The following PI4KA variants were observed in gnomAD, a reference collection of about 807,000 sequenced individuals.
PI4KA encodes PI4-kinase alpha.
In PI4KA, 122 loss-of-function variants were observed where a neutral mutation model predicts 271.4. The observed-to-expected ratio is 0.45, with a 90% CI of 0.39 to 0.52. The LOEUF is 0.52. Among genes scored for constraint, PI4KA ranks in the 20% least tolerant of loss-of-function variants. PI4KA has a pLI of 0.00. For missense variants in PI4KA, 1,969 were observed against 2,769.1 expected, an observed-to-expected ratio of 0.71 and a Z score of 6.48; for synonymous variants, 1,041 against 1,078.8, an observed-to-expected ratio of 0.96 and a Z score of 0.69.
At chr22:20,824,731 ATC>A (rs1491568496) in intron 3 of PI4KA, among the ~76,000 whole-genome samples, 1 of 119,142 alleles carries the variant, frequency 8.4e-6, no homozygotes, top group African/African-American at 3.5e-5. Context: ...AATGTGATAA[ATC>A]ACACACACAC....
chr22:20,783,091 T>C (rs1448563007), intron 19 of PI4KA, among the ~76,000 whole-genome samples: 2 of 152,238 alleles, frequency 1.3e-5, no homozygotes, highest in African/African-American at 4.8e-5. Flanking sequence ...GGAAAGGTGC[T>C]GAGAAGAATG....
rs114340675 is a variant in PI4KA at position 20,768,513 on chromosome 22, A to C, written c.2329-2820T>G. ...TACATATAGAACAAAGATGGGAAAAAGCAGCCACATGTTAAGATTATTTCT... is the reference window on the plus strand; with the variant it reads ...TACATATAGAACAAAGATGGGAAAACGCAGCCACATGTTAAGATTATTTCT... On this transcript the variant is annotated intron_variant, in intron 19 of 54. Coordinates refer to ENST00000255882, the MANE Select transcript of PI4KA (RefSeq NM_058004.4). Among the ~76,000 whole-genome samples the C allele has an allele frequency of 8.5e-3, 1,294 of 152,336 alleles. 13 individuals are homozygous for C. The highest frequency in any genetic ancestry group is 0.029 in the African/African-American group (1,202 of 41,574).
Position 20,717,737 on chromosome 22 carries a change from G to A in PI4KA, c.5288C>T (p.Ser1763Leu), listed in dbSNP as rs557560570. The A allele has an allele frequency of 4.2e-5, 66 of 1,580,904 alleles. No individual in the cohort carries two copies. The South Asian group carries it at 5.4e-4, about 13-fold the overall frequency. Reference sequence around the variant, plus strand: ...CTGCACCTTCACTTCAGACAGGGCCGACAGACAAGCCTTCTTTCTCTCGTC... The same window carrying A: ...CTGCACCTTCACTTCAGACAGGGCCAACAGACAAGCCTTCTTTCTCTCGTC... Reference protein sequence around the residue: ...KGDERKKACLSALSEVKVQPG... With the variant: ...KGDERKKACLLALSEVKVQPG... The change falls in exon 45 of 55, where the codon TCG becomes TTG. Residue 1763 changes from serine (S) to leucine (L), a missense_variant. Physicochemically the swap from Ser to Leu is moderately radical, Grantham distance 145 (BLOSUM62 -2). Transcript: ENST00000255882.
intron 19 of PI4KA, among the ~76,000 whole-genome samples, chr22:20,781,987 G>T (rs1257885440): frequency 6.6e-6 from 1 of 152,242 alleles, no homozygotes; most frequent in East Asian, 1.9e-4. Context: ...TTGAGGGAAT[G>T]AAACTGTAGA....
intron 23 of PI4KA, among the ~76,000 whole-genome samples, chr22:20,757,499 C>T (rs1308802153): frequency 1.3e-5 from 2 of 151,832 alleles, no homozygotes; most frequent in East Asian, 1.9e-4. Flanking sequence ...GGATCTGATT[C>T]GGTTTATGAA....
At position 20,765,839 on chromosome 22, in the gene PI4KA, T is replaced by C. The variant is rs1252725780; in HGVS notation, c.2329-146A>G. 4 of 610,158 alleles carry C rather than the reference T, an allele frequency of 6.6e-6. No individual in the cohort carries two copies. In the Admixed American group the frequency reaches 9.5e-5, roughly 15 times the overall value. The allele number at this position is 610,158 out of a possible 1,614,324, so 37.8% of individuals were successfully genotyped here. On this transcript the variant is annotated intron_variant, in intron 19 of 54. Transcript: ENST00000255882. ...TAGGAAAAGGCACACTGAGCAGTGA[T>C]GATTCTGCCAATAAGCATTGTCCAT...
intron 1 of PI4KA, among the ~76,000 whole-genome samples, chr22:20,850,353 G>A (rs940496274): frequency 5.3e-5 from 8 of 151,838 alleles, no homozygotes; most frequent in Admixed American, 1.3e-4. Flanking sequence ...CTGGAACCCC[G>A]TCTCTACTAA....
intron 23 of PI4KA, 150 bp from the exon 24 acceptor site, chr22:20,753,330 G>A: frequency 1.4e-6 from 1 of 694,370 alleles, no homozygotes; most frequent in South Asian, 1.7e-5. Context: ...TAGCTTCCCT[G>A]GATTTTAACA....
intron 13 of PI4KA, among the ~76,000 whole-genome samples, chr22:20,802,845 T>C (rs1363422186): frequency 6.6e-6 from 1 of 152,230 alleles, no homozygotes; most frequent in East Asian, 1.9e-4. Context: ...TGTTAATTAT[T>C]GTTTCATCAT....
At chr22:20,796,438 G>A (rs564218029) in intron 17 of PI4KA, 124 bp from the exon 18 acceptor site, 2 of 789,236 alleles carry the variant, frequency 2.5e-6, no homozygotes, top group African/African-American at 1.7e-5. Flanking sequence ...ACTCCTCCCA[G>A]TGTCTGTAAA....
chr22:20,742,732 T>C lies in PI4KA; in HGVS notation c.3489A>G (p.Thr1163=), dbSNP rs1338373155. The change falls in exon 31 of 55, where the codon ACA becomes ACG. Residue 1163 remains threonine (T), a synonymous_variant. Coordinates refer to ENST00000255882, the MANE Select transcript of PI4KA (RefSeq NM_058004.4). ...TTTTGTTCAGGTCAGACATCTGGCCTGTGGTGCCTGAGAACCGAATCATTC... is the reference window on the plus strand; with the variant it reads ...TTTTGTTCAGGTCAGACATCTGGCCCGTGGTGCCTGAGAACCGAATCATTC... ...VYGMIRFSGT[T]GQMSDLNKMM... is the part of the protein sequence containing the mutation. 1.5e-5 allele frequency: 24 copies of C among 1,614,166 alleles called. No individual in the cohort carries two copies. The highest frequency in any genetic ancestry group is 2.0e-5 in the Non-Finnish European group (24 of 1,180,006).
At chr22:20,820,955 G>A (rs1008227204) in intron 4 of PI4KA, among the ~76,000 whole-genome samples, 8 of 152,180 alleles carry the variant, frequency 5.3e-5, no homozygotes, top group African/African-American at 1.4e-4. Flanking sequence ...ACGCCCTAGC[G>A]CTTTTCAACC....
rs1346725432 is a variant in PI4KA, at chr22:20,836,826, C to A, written c.273+1789G>T. Among the ~76,000 whole-genome samples, 4 of 152,170 alleles carry A rather than the reference C, an allele frequency of 2.6e-5. No homozygotes were observed. The East Asian group carries it at 7.7e-4, about 29-fold the overall frequency. ...ACATGCCACCTGGGACCCTGCTAGT[C>A]CTTACCCAGAACCTGAATGACACTT... On this transcript the variant is annotated intron_variant, in intron 2 of 54. Transcript: ENST00000255882.
chr22:20,805,725 G>A (rs1188736494), intron 10 of PI4KA, among the ~76,000 whole-genome samples: 4 of 151,640 alleles, frequency 2.6e-5, no homozygotes, highest in East Asian at 1.9e-4. Flanking sequence ...CCAGCTACTC[G>A]GGAGGCTGAG....
At position 20,753,039 on chromosome 22, in the gene PI4KA, A is replaced by G; in HGVS notation, c.2863-12T>C. On this transcript the variant is annotated splice_polypyrimidine_tract_variant and intron_variant, in intron 24 of 54. Coordinates refer to ENST00000255882, the MANE Select transcript of PI4KA (RefSeq NM_058004.4). ...TCCTTGGTCTTGGCCTAGAGATGCA[A>G]AAGAAACAGGTACCGCAGTGCCCCA... is the stretch of plus-strand genomic sequence containing the variant. 1 of 1,614,202 alleles carries G rather than the reference A, an allele frequency of 6.2e-7. No homozygotes were observed. The highest frequency in any genetic ancestry group is 1.1e-5 in the South Asian group (1 of 91,078).
intron 1 of PI4KA, 30 bp downstream of exon 1, chr22:20,858,540 T>A: frequency 1.5e-6 from 2 of 1,343,074 alleles, no homozygotes; most frequent in Non-Finnish European, 1.9e-6. Flanking sequence ...CCTCCTCCTG[T>A]CAGCCCGCGG....
At chr22:20,838,826 C>T (rs113946284) in intron 1 of PI4KA, 95 bp from the exon 2 acceptor site, 19 of 712,392 alleles carry the variant, frequency 2.7e-5, no homozygotes, top group African/African-American at 2.3e-4. Context: ...GCCTGCAGTA[C>T]CAGCTATTCA....
rs362248 is a variant in PI4KA, at chr22:20,825,069, C to CAAAAAAAAA, written c.368-664_368-656dup. Among the ~76,000 whole-genome samples, 365 of 76,034 alleles carry CAAAAAAAAA rather than the reference C, an allele frequency of 4.8e-3. 20 individuals carry two copies. Among genetic ancestry groups the CAAAAAAAAA allele is most frequent in the African/African-American group, 0.013 (227 of 17,730 alleles). The allele number at this position is 76,034 out of a possible 152,430, so 49.9% of individuals were successfully genotyped here. On this transcript the variant is annotated intron_variant, in intron 3 of 54. Transcript: ENST00000255882. ...TGGGTGACAGAATGAGACGCCATCTCAAAAAAAAAAAAAAAAATCAATTTT... is the reference window on the plus strand; with the variant it reads ...TGGGTGACAGAATGAGACGCCATCTCAAAAAAAAAAAAAAAAAAAAAAAAAATCAATTTT...
At position 20,821,344 on chromosome 22, in the gene PI4KA, G is replaced by T. The variant is rs558924963; in HGVS notation, c.457-733C>A. On this transcript the variant is annotated intron_variant, in intron 4 of 54. Coordinates refer to ENST00000255882, the MANE Select transcript of PI4KA (RefSeq NM_058004.4). ...AGCGATTCTCCTGACTCAGTCTCCT[G>T]AGTAGCTAAGATTACAGGTGCATGC... Among the ~76,000 whole-genome samples the T allele has an allele frequency of 1.6e-4, 24 of 151,238 alleles. No homozygotes were observed. In the East Asian group the frequency reaches 2.0e-3, roughly 13 times the overall value.
Sources: allele counts gnomAD v4.1 joint callset (sites outside exome capture counted in the v4.1 genomes callset), GRCh38; gene constraint gnomAD v4.1.1; transcripts MANE v1.5; gene names NCBI Gene and HGNC (gene_info 2026-07-23, HGNC 2026-07-21).